Variants in ZBBX observed in about 807,000 individuals in gnomAD.
ZBBX encodes the protein zinc finger B-box domain-containing protein 1.
A neutral mutation model predicts 108.5 loss-of-function variants in ZBBX; 101 were observed. That is an observed-to-expected ratio of 0.93 (90% confidence interval 0.79 to 1.10). ZBBX has a LOEUF of 1.10. Ranked by LOEUF, ZBBX falls within the 50% of genes least tolerant of loss-of-function variation. The pLI is 0.00. For missense variants in ZBBX, 1,009 were observed against 941.4 expected, an observed-to-expected ratio of 1.07 and a Z score of -0.94; for synonymous variants, 356 against 323.4, an observed-to-expected ratio of 1.10 and a Z score of -1.08.
At chr3:167,385,960 A>G (rs918793615) in intron 1 of ZBBX, among the ~76,000 whole-genome samples, 2 of 151,994 alleles carry the variant, frequency 1.3e-5, no homozygotes, top group Admixed American at 6.6e-5. Context: ...CCTGCCAACA[A>G]TCTGTCAGTC....
intron 19 of ZBBX, among the ~76,000 whole-genome samples, chr3:167,287,525 T>A (rs1436308975): frequency 1.3e-5 from 2 of 152,146 alleles, no homozygotes; most frequent in Non-Finnish European, 2.9e-5. Flanking sequence ...AAGAGTTTGT[T>A]TTGTATAAAC....
chr3:167,338,729 TTC>T (rs1740006119), intron 9 of ZBBX, among the ~76,000 whole-genome samples: 1 of 152,030 alleles, frequency 6.6e-6, no homozygotes, highest in African/African-American at 2.4e-5. Context: ...TGCAGAAGAG[TTC>T]TGTTATTTTA....
intron 11 of ZBBX, among the ~76,000 whole-genome samples, chr3:167,324,028 T>A (rs1736927801): frequency 6.6e-6 from 1 of 152,080 alleles, no homozygotes; most frequent in Admixed American, 6.6e-5. Flanking sequence ...GGTCAAGAAA[T>A]ATGTGAAAAG....
the ZBBX span, among the ~76,000 whole-genome samples, chr3:167,219,759 T>C: frequency 2.1e-4 from 32 of 151,368 alleles, no homozygotes; most frequent in Non-Finnish European, 3.0e-4. Flanking sequence ...TAAATAATAA[T>C]GATTAGAGAG....
intron 21 of ZBBX, 25 bp downstream of exon 21, chr3:167,242,480 T>C: frequency 6.3e-7 from 1 of 1,577,288 alleles, no homozygotes; most frequent in Non-Finnish European, 8.6e-7. Flanking sequence ...ACTATATTAA[T>C]AAATAAACTG....
At chr3:167,296,904 C>A (rs1181372113) in intron 18 of ZBBX, among the ~76,000 whole-genome samples, 1 of 151,822 alleles carries the variant, frequency 6.6e-6, no homozygotes, top group Non-Finnish European at 1.5e-5. Flanking sequence ...TCACCAGGGA[C>A]CCTGAATAGC....
intron 8 of ZBBX, among the ~76,000 whole-genome samples, chr3:167,352,821 C>T (rs1028390276): frequency 6.6e-6 from 1 of 151,196 alleles, no homozygotes; most frequent in Non-Finnish European, 1.5e-5. Context: ...GATGTTTCAA[C>T]ATATGCAAAC....
chr3:167,187,860 T>C, the ZBBX span, among the ~76,000 whole-genome samples: 1 of 152,192 alleles, frequency 6.6e-6, no homozygotes, highest in Non-Finnish European at 1.5e-5. Context: ...GTTTACGATG[T>C]TCATTTCCTG....
the ZBBX span, among the ~76,000 whole-genome samples, chr3:167,195,118 G>A: frequency 1.3e-5 from 2 of 152,140 alleles, no homozygotes; most frequent in African/African-American, 4.8e-5. Context: ...AAAAATTTGT[G>A]TTAGATGCAA....
intron 10 of ZBBX, among the ~76,000 whole-genome samples, chr3:167,330,865 GAGGAGGAGAAGAAGA>G (rs1477714388): frequency 4.6e-4 from 10 of 21,822 alleles, no homozygotes; most frequent in African/African-American, 1.2e-3. Context: ...GGAGGAGGAG[GAGGAGGAGAAGAAGA>G]AGAAGAAGAA....
At chr3:167,362,213 T>C (rs1479096470) in intron 6 of ZBBX, among the ~76,000 whole-genome samples, 2 of 152,098 alleles carry the variant, frequency 1.3e-5, no homozygotes, top group Non-Finnish European at 2.9e-5. Context: ...GAAAGATGGA[T>C]ATCTGCATAT....
At chr3:167,396,107 T>C (rs981887373) in intron 1 of ZBBX, among the ~76,000 whole-genome samples, 2 of 152,008 alleles carry the variant, frequency 1.3e-5, no homozygotes, top group Non-Finnish European at 2.9e-5. Flanking sequence ...ATCTAATCCA[T>C]GCAAAAATAC....
At chr3:167,400,282 CT>C (rs1301767082) in intron 1 of ZBBX, among the ~76,000 whole-genome samples, 15 of 152,292 alleles carry the variant, frequency 9.8e-5, no homozygotes, top group African/African-American at 3.6e-4. Flanking sequence ...AATCTCCAAA[CT>C]GCTTTCTAGA....
chr3:167,371,305 G>A (rs775443003), intron 4 of ZBBX, among the ~76,000 whole-genome samples: 1 of 152,114 alleles, frequency 6.6e-6, no homozygotes, highest in Admixed American at 6.6e-5. Flanking sequence ...TGTGGTCTCT[G>A]AGAAGTCCCC....
At chr3:167,206,432 T>C in the ZBBX span, among the ~76,000 whole-genome samples, 1 of 152,056 alleles carries the variant, frequency 6.6e-6, no homozygotes, top group Non-Finnish European at 1.5e-5. Context: ...TTGTGAATAA[T>C]GCTACAATGA....
chr3:167,331,655 C>T (rs959252462), intron 10 of ZBBX: 11 of 984,240 alleles, frequency 1.1e-5, no homozygotes, highest in South Asian at 4.7e-5. Context: ...TCATATATCA[C>T]GTCCACTCAG....
At chr3:167,280,880 T>A (rs1158655919) in intron 20 of ZBBX, among the ~76,000 whole-genome samples, 4 of 152,042 alleles carry the variant, frequency 2.6e-5, no homozygotes, top group Non-Finnish European at 4.4e-5. Flanking sequence ...ATAGACTGGA[T>A]TAAGAAAATG....
At chr3:167,192,004 A>G in the ZBBX span, among the ~76,000 whole-genome samples, 1 of 144,256 alleles carries the variant, frequency 6.9e-6, no homozygotes, top group Non-Finnish European at 1.5e-5. Context: ...TTTTATCTCA[A>G]TCTCCCCATA....
chr3:167,191,934 T>TATATAGAGAGAGAGAGAGAG, the ZBBX span, among the ~76,000 whole-genome samples: 2 of 130,224 alleles, frequency 1.5e-5, no homozygotes, highest in African/African-American at 6.1e-5. Flanking sequence ...TATATATATA[T>TATATAGAGAGAGAGAGAGAG]AGAGCAAGTT....
Sources: gnomAD v4.1 joint callset for allele counts (sites outside exome capture counted in the v4.1 genomes callset) on GRCh38, gnomAD v4.1.1 for gene constraint, MANE v1.5 for transcripts, NCBI Gene and HGNC (gene_info 2026-07-23, HGNC 2026-07-21) for gene names.